ADH1B: variants seen among roughly 807,000 people sequenced by gnomAD.
ADH1B encodes all-trans-retinol dehydrogenase [NAD(+)] ADH1B.
A neutral mutation model predicts 34.6 loss-of-function variants in ADH1B; 29 were observed. That is an observed-to-expected ratio of 0.84 (90% CI 0.62 to 1.14). ADH1B has a LOEUF of 1.14. Ranked by LOEUF, ADH1B falls within the 50% of genes most tolerant of loss-of-function variation. The probability of loss-of-function intolerance (pLI) is 0.00; values close to 1 mark genes in which losing one functional copy is unlikely to be tolerated. For synonymous variants in ADH1B, 170 were observed against 175.5 expected (o/e 0.97, Z 0.25); for missense variants, 424 against 468.4 (o/e 0.91, Z 0.87).
At chr4:99,307,959 ATCTG>A (rs1733653278) in intron 8 of ADH1B, 95 bp from the exon 9 acceptor site, 2 of 1,527,530 alleles carry the variant, frequency 1.3e-6, no homozygotes, top group Non-Finnish European at 1.8e-6. Context: ...CTTAGTGAAA[ATCTG>A]TCTGTGATCC....
chr4:99,316,187 C>G, intron 4 of ADH1B, 28 bp downstream of exon 4: 4 of 1,614,038 alleles, frequency 2.5e-6, no homozygotes, highest in Non-Finnish European at 3.4e-6. Flanking sequence ...AACTCAAAGT[C>G]TGTGCAAAGA....
In ADH1B at chr4:99,319,006, C is replaced by G. The variant is rs562054182; in HGVS notation, c.19-120G>C. The stretch of plus-strand genomic sequence containing the variant: ...CATGTCTGGTACCTAACAAGTGCTC[C>G]ATGGAAATGAAGTACTCTGGTTTAT... On this transcript the variant is annotated intron_variant, in intron 1 of 8. Coordinates refer to ENST00000305046, the MANE Select transcript of ADH1B (RefSeq NM_000668.6). 6.5e-6 allele frequency: 7 copies of G among 1,078,410 alleles called. No homozygotes were observed. The Admixed American group carries it at 1.2e-4, about 18-fold the overall frequency. 66.8% of individuals were successfully genotyped at this position (1,078,410 alleles called of 1,614,324 possible).
chr4:99,306,711 A>AAGCATTAACAC lies in ADH1B; in HGVS notation c.*1118_*1128dup, dbSNP rs1231216994. 1 of 152,226 alleles carries AAGCATTAACAC rather than the reference A, an allele frequency of 6.6e-6. No homozygotes were observed. The highest frequency in any genetic ancestry group is 2.4e-5 in the African/African-American group (1 of 41,460). The allele number at this position is 152,226 out of a possible 1,614,324, so 9.4% of individuals were successfully genotyped here. A position where few individuals can be genotyped will look rare whatever the true frequency, so the allele number is the denominator to read the frequency against. On this transcript the variant is annotated 3_prime_UTR_variant, in exon 9 of 9. Coordinates refer to ENST00000305046, the MANE Select transcript of ADH1B (RefSeq NM_000668.6). ...AATGAGAGTGGGAAAAGCATTAACA[A>AAGCATTAACAC]AGCATTAACACAGGTCTTTACATAT...
In ADH1B at chr4:99,316,039, A is replaced by G; in HGVS notation, c.426T>C (p.Leu142=). 1.2e-6 allele frequency: 2 copies of G among 1,614,186 alleles called. No homozygotes were observed. The highest frequency in any genetic ancestry group is 1.7e-6 in the Non-Finnish European group (2 of 1,180,016). Reference sequence around the variant, plus strand: ...TGTACTGGGAGAAGGTGCTGGTGCCAAGGAAGTGGTGAATGGGCTTCCCCC... The same window carrying G: ...TGTACTGGGAGAAGGTGCTGGTGCCGAGGAAGTGGTGAATGGGCTTCCCCC... ...TCRGKPIHHF[L]GTSTFSQYTV... Residue 142 remains leucine (L), a synonymous_variant, in exon 5 of 9, where the codon CTT becomes CTC. Transcript: ENST00000305046.
At chr4:99,308,396 A>G (rs1473640562) in intron 8 of ADH1B, among the ~76,000 whole-genome samples, 1 of 148,026 alleles carries the variant, frequency 6.8e-6, no homozygotes, top group Non-Finnish European at 1.5e-5. Flanking sequence ...ACCCAAATAC[A>G]AATTTGCAAA....
intron 2 of ADH1B, 94 bp downstream of exon 2, chr4:99,318,691 A>G (rs1330231725): frequency 8.6e-7 from 1 of 1,163,674 alleles, no homozygotes; most frequent in Non-Finnish European, 1.2e-6. Context: ...ATCATATAAG[A>G]TATGCCTCTT....
chr4:99,312,831 T>C (rs767474384), intron 6 of ADH1B, among the ~76,000 whole-genome samples: 16 of 152,000 alleles, frequency 1.1e-4, no homozygotes, highest in Non-Finnish European at 1.6e-4. Context: ...TCAGCCTTGG[T>C]GACAGAGTGA....
At chr4:99,311,859 G>T (rs1297500294) in intron 6 of ADH1B, among the ~76,000 whole-genome samples, 1 of 152,156 alleles carries the variant, frequency 6.6e-6, no homozygotes, top group Non-Finnish European at 1.5e-5. Context: ...TTTAATGAAA[G>T]AATGGATGAA....
chr4:99,305,551 G>T lies in ADH1B; in HGVS notation c.*2289C>A, dbSNP rs1271859106. 1.3e-5 allele frequency: 1 copy of T among 75,322 alleles called. No homozygotes were observed. Among genetic ancestry groups the T allele is most frequent in the Non-Finnish European group, 2.4e-5 (1 of 41,362 alleles). The allele number at this position is 75,322 out of a possible 1,614,324, so 4.7% of individuals were successfully genotyped here. On this transcript the variant is annotated 3_prime_UTR_variant, in exon 9 of 9. Transcript: ENST00000305046. ...AATCACTTAACTATATGAACCACTT[G>T]CCCCATAGTGTATATATATATATAT...
At chr4:99,314,120 A>T (rs773483740) in intron 5 of ADH1B, 39 bp from the exon 6 acceptor site, 1 of 1,606,434 alleles carries the variant, frequency 6.2e-7, no homozygotes, top group South Asian at 1.1e-5. Flanking sequence ...TTAAGTGATG[A>T]TTGTTAGAAA....
intron 3 of ADH1B, 57 bp downstream of exon 3, chr4:99,317,989 A>T: frequency 6.2e-7 from 1 of 1,601,454 alleles, no homozygotes; most frequent in Non-Finnish European, 8.5e-7. Flanking sequence ...TTCCTTATCC[A>T]GGCTGGGAAA....
intron 8 of ADH1B, among the ~76,000 whole-genome samples, chr4:99,309,055 A>G (rs1188003242): frequency 6.6e-6 from 1 of 152,074 alleles, no homozygotes; most frequent in African/African-American, 2.4e-5. Context: ...TGAGTCTAAA[A>G]TTACATCATG....
In ADH1B at chr4:99,316,069, G is replaced by C; in HGVS notation, c.396C>G (p.Thr132=). 1 of 1,614,212 alleles carries C rather than the reference G, an allele frequency of 6.2e-7. No individual in the cohort carries two copies. Among genetic ancestry groups the C allele is most frequent in the Non-Finnish European group, 8.5e-7 (1 of 1,180,034 alleles). Residue 132 remains threonine, a synonymous_variant, in exon 5 of 9, where the codon ACC becomes ACG. Coordinates refer to ENST00000305046, the MANE Select transcript of ADH1B (RefSeq NM_000668.6). ...GTLQDGTRRF[T]CRGKPIHHFL... ...AGTGGTGAATGGGCTTCCCCCTGCA[G>C]GTGAACCTCCTGGTGCCATCCTGCA...
At chr4:99,320,696 G>A (rs1734002926) in intron 1 of ADH1B, 15 of 594,342 alleles carry the variant, frequency 2.5e-5, no homozygotes, top group Non-Finnish European at 3.1e-5. Flanking sequence ...TTTAAATGGG[G>A]AAGATACTGT....
chr4:99,321,188 A>G, intron 1 of ADH1B, 126 bp downstream of exon 1: 3 of 830,176 alleles, frequency 3.6e-6, no homozygotes, highest in Non-Finnish European at 5.7e-6. Flanking sequence ...TGTATATTGC[A>G]TATCATATTT....
chr4:99,314,320 C>A (rs770932872), intron 5 of ADH1B: 2 of 646,148 alleles, frequency 3.1e-6, no homozygotes, highest in Non-Finnish European at 5.1e-6. Flanking sequence ...CAAAATATCC[C>A]ACAGTCCAGG....
At position 99,318,791 on chromosome 4, in the gene ADH1B, G is replaced by T. The variant is rs771307803; in HGVS notation, c.114C>A (p.Arg38=). ...AAATGGAAAAATATTTCACCTTAATGCGAACTTCATAAGCCTTAGGAGGTG... is the reference window on the plus strand; with the variant it reads ...AAATGGAAAAATATTTCACCTTAATTCGAACTTCATAAGCCTTAGGAGGTG... ...EVAPPKAYEV[R]IKMVAVGICH... The change falls in exon 2 of 9, where the codon CGC becomes CGA. Residue 38 remains arginine (R), a synonymous_variant. Transcript: ENST00000305046. 4.2e-5 allele frequency: 67 copies of T among 1,610,412 alleles called. No individual in the cohort carries two copies. The highest frequency in any genetic ancestry group is 5.5e-5 in the Non-Finnish European group (65 of 1,178,296).
At chr4:99,317,943 C>T in intron 3 of ADH1B, 103 bp downstream of exon 3, 1 of 1,547,856 alleles carries the variant, frequency 6.5e-7, no homozygotes, top group Non-Finnish European at 8.7e-7. Flanking sequence ...TGCGCGGTGA[C>T]CTTGTGCAAG....
At chr4:99,308,349 T>C (rs1031251392) in intron 8 of ADH1B, among the ~76,000 whole-genome samples, 1 of 149,626 alleles carries the variant, frequency 6.7e-6, no homozygotes, top group African/African-American at 2.5e-5. Flanking sequence ...TGTAACTTGC[T>C]CTGGTAGCAC....
Sources: allele counts gnomAD v4.1 joint callset (sites outside exome capture counted in the v4.1 genomes callset), GRCh38; gene constraint gnomAD v4.1.1; transcripts MANE v1.5; gene names NCBI Gene and HGNC (gene_info 2026-07-23, HGNC 2026-07-21).